Variants in VBP1 observed in about 807,000 individuals in gnomAD.
VBP1 encodes VHL binding protein 1.
In VBP1, 4 loss-of-function variants were observed where a neutral mutation model predicts 15.5. That is an observed-to-expected ratio of 0.26 (90% CI 0.13 to 0.59). The LOEUF (loss-of-function observed/expected upper bound fraction) is 0.59. VBP1 is among the 20% of genes least tolerant of loss of function. The pLI, the probability that VBP1 is intolerant of heterozygous loss-of-function variation, is 0.90. For missense variants in VBP1, 108 were observed against 139.6 expected, an observed-to-expected ratio of 0.77 and a Z score of 1.14; for synonymous variants, 61 against 52.1, an observed-to-expected ratio of 1.17 and a Z score of -0.74.
At chrX:155,204,396 G>A (rs781906139) in intron 1 of VBP1, among the ~76,000 whole-genome samples, 8 of 111,427 alleles carry the variant, frequency 7.2e-5, no homozygotes, top group African/African-American at 9.8e-5. Context: ...CAGGTGATCC[G>A]CCCGCCTTGG....
chrX:155,206,359 G>A (rs781876724), intron 1 of VBP1, among the ~76,000 whole-genome samples: 3 of 109,408 alleles, frequency 2.7e-5, no homozygotes, highest in Non-Finnish European at 3.8e-5. Context: ...TCAGCCTCCC[G>A]AGTAGCTGGG....
At chrX:155,205,074 A>G (rs1317633715) in intron 1 of VBP1, among the ~76,000 whole-genome samples, 1 of 111,769 alleles carries the variant, frequency 8.9e-6, no homozygotes, top group Non-Finnish European at 1.9e-5. Context: ...TATTCTGCTT[A>G]TTTGGCAAAT....
intron 1 of VBP1, among the ~76,000 whole-genome samples, chrX:155,197,664 G>C (rs1164866386): frequency 3.6e-5 from 4 of 112,043 alleles, no homozygotes; most frequent in African/African-American, 1.3e-4. Flanking sequence ...CCAGTCTACA[G>C]CTCTGAGCGT....
At chrX:155,216,716 T>G (rs2074666442) in intron 1 of VBP1, 141 bp downstream of exon 1, 1 of 862,307 alleles carries the variant, frequency 1.2e-6, no homozygotes, top group African/African-American at 2.0e-5. Context: ...CTCTCACCCC[T>G]CGCACCTGGA....
At chrX:155,213,842 G>A (rs2074652725), upstream of VBP1, among the ~76,000 whole-genome samples, 1 of 111,958 alleles carries the variant, frequency 8.9e-6, no homozygotes, top group Non-Finnish European at 1.9e-5. Flanking sequence ...ATTATTTTTC[G>A]ACATTTGAAT....
chrX:155,220,779 T>C (rs2074685532), intron 2 of VBP1, among the ~76,000 whole-genome samples: 1 of 112,450 alleles, frequency 8.9e-6, no homozygotes, highest in African/African-American at 3.2e-5. Context: ...GTAATAAATA[T>C]TTATAGATCT....
intron 2 of VBP1, chrX:155,208,986 G>A (rs1255389604): frequency 1.7e-5 from 20 of 1,150,962 alleles, no homozygotes; most frequent in East Asian, 1.3e-4. Flanking sequence ...CATCAGGTAC[G>A]TTTGGGCTGT....
chrX:155,198,826 AT>A (rs1431712455), intron 1 of VBP1, among the ~76,000 whole-genome samples: 3 of 109,593 alleles, frequency 2.7e-5, no homozygotes, highest in Non-Finnish European at 5.8e-5. Context: ...ACAGGAGGAA[AT>A]TCAAACCAAA....
rs1373114562 is a variant in VBP1 at position 155,201,042 on chromosome X, C to A, written c.-31+3903C>A. Among the ~76,000 whole-genome samples, 20 of 111,385 alleles carry A rather than the reference C, an allele frequency of 1.8e-4. No homozygotes were observed. The South Asian group carries it at 4.5e-3, about 25-fold the overall frequency. On this transcript the variant is annotated intron_variant, in intron 1 of 6. Coordinates refer to the VBP1 transcript ENST00000535916. ...GGATAAATTCCTCGACACATACACCCTCCCAAGACTAAAGCAGGAAGAAGT... is the reference window on the plus strand; with the variant it reads ...GGATAAATTCCTCGACACATACACCATCCCAAGACTAAAGCAGGAAGAAGT...
chrX:155,238,697 A>G, intron 5 of VBP1, 75 bp from the exon 6 acceptor site: 1 of 780,015 alleles, frequency 1.3e-6, no homozygotes, highest in Non-Finnish European at 1.9e-6. Flanking sequence ...TCATTGTGTG[A>G]GTGGAGTGAA....
intron 2 of VBP1, 50 bp from the exon 3 acceptor site, chrX:155,227,185 T>G (rs1557310328): frequency 1.8e-6 from 2 of 1,093,182 alleles, no homozygotes; most frequent in Non-Finnish European, 1.3e-6. Context: ...CGTGTCCTGT[T>G]GTTTATTTTT....
chrX:155,220,419 C>A, intron 2 of VBP1, 112 bp downstream of exon 2: 1 of 670,465 alleles, frequency 1.5e-6, no homozygotes, highest in Non-Finnish European at 2.1e-6. Flanking sequence ...TTCAGTCCTC[C>A]AAGGTGGCTG....
chrX:155,201,433 C>T (rs2074603423), intron 1 of VBP1, among the ~76,000 whole-genome samples: 1 of 97,646 alleles, frequency 1.0e-5, no homozygotes, highest in African/African-American at 4.0e-5. Context: ...GGCTTCATCC[C>T]TGGGATGCAA....
chrX:155,230,967 C>T (rs1240633018), intron 4 of VBP1, among the ~76,000 whole-genome samples: 5 of 111,980 alleles, frequency 4.5e-5, no homozygotes, highest in Non-Finnish European at 9.4e-5. Flanking sequence ...TATGAGCCAC[C>T]GTGTCCAGTC....
intron 3 of VBP1, among the ~76,000 whole-genome samples, chrX:155,228,067 G>A (rs1557310408): frequency 2.7e-5 from 3 of 111,607 alleles, no homozygotes; most frequent in Admixed American, 9.5e-5. Context: ...ACTCGGGGGT[G>A]TGTGTGTGTC....
intron 2 of VBP1, chrX:155,226,998 A>C (rs1557310317): frequency 8.1e-6 from 1 of 123,765 alleles, no homozygotes; most frequent in Non-Finnish European, 1.7e-5. Context: ...TTATACTTTA[A>C]ATATTTTATG....
intron 1 of VBP1, among the ~76,000 whole-genome samples, chrX:155,198,335 C>T (rs969878024): frequency 2.2e-4 from 25 of 112,223 alleles, no homozygotes; most frequent in Non-Finnish European, 4.5e-4. Flanking sequence ...CCCTGACCCC[C>T]GAGCAGCCTA....
At chrX:155,237,358 C>T (rs1557311715) in intron 5 of VBP1, among the ~76,000 whole-genome samples, 2 of 111,863 alleles carry the variant, frequency 1.8e-5, no homozygotes, top group African/African-American at 3.3e-5. Flanking sequence ...TTACTGTTCT[C>T]GTTCTGGGGC....
intron 2 of VBP1, among the ~76,000 whole-genome samples, chrX:155,224,276 G>T (rs1557309997): frequency 1.8e-5 from 2 of 112,513 alleles, no homozygotes; most frequent in African/African-American, 6.5e-5. Flanking sequence ...GTTGTAGCGA[G>T]CCGAGATCAC....
Sources: gnomAD v4.1 joint callset for allele counts (sites outside exome capture counted in the v4.1 genomes callset) on GRCh38, gnomAD v4.1.1 for gene constraint, MANE v1.5 for transcripts, NCBI Gene and HGNC (gene_info 2026-07-23, HGNC 2026-07-21) for gene names.